The following DOCK1 variants were observed in gnomAD, a reference collection of about 807,000 sequenced individuals.
The protein encoded by DOCK1 is dedicator of cytokinesis 1, also known as dedicator of cytokinesis protein 1.
A neutral mutation model predicts 262.7 loss-of-function variants in DOCK1; 138 were observed. The observed-to-expected ratio is 0.53, with a 90% CI of 0.46 to 0.61. DOCK1 has a LOEUF of 0.61. Ranked by LOEUF, DOCK1 falls within the 20% of genes least tolerant of loss-of-function variation. The probability of loss-of-function intolerance (pLI) is 0.00; values close to 1 mark genes in which losing one functional copy is unlikely to be tolerated. For missense variants in DOCK1, 1,908 were observed against 2,370.7 expected (o/e 0.80, Z 4.05); for synonymous variants, 866 against 867.4 (o/e 1.00, Z 0.03).
intron 46 of DOCK1, among the ~76,000 whole-genome samples, chr10:127,424,045 G>GA (rs2068668015): frequency 6.6e-6 from 1 of 152,178 alleles, no homozygotes; most frequent in African/African-American, 2.4e-5. Context: ...CTCAACTACA[G>GA]GGTCTCCAGA....
intron 1 of DOCK1, among the ~76,000 whole-genome samples, chr10:126,923,913 A>G (rs1291672116): frequency 6.6e-6 from 1 of 152,212 alleles, no homozygotes; most frequent in East Asian, 1.9e-4. Flanking sequence ...GCCAGGAAAC[A>G]GGCCCTTGCC....
chr10:126,980,311 C>T (rs2038863501), intron 3 of DOCK1, among the ~76,000 whole-genome samples: 1 of 152,126 alleles, frequency 6.6e-6, no homozygotes, highest in South Asian at 2.1e-4. Flanking sequence ...CCTCCCTCAG[C>T]CTCCCAAGTA....
At chr10:127,340,551 C>T (rs182003959) in intron 30 of DOCK1, among the ~76,000 whole-genome samples, 1 of 152,240 alleles carries the variant, frequency 6.6e-6, no homozygotes, top group Admixed American at 6.5e-5. Context: ...GCTGTGCTAC[C>T]GTGAGGGCTG....
At chr10:127,353,350 C>G (rs751282116) in intron 31 of DOCK1, among the ~76,000 whole-genome samples, 1 of 152,180 alleles carries the variant, frequency 6.6e-6, no homozygotes, top group Non-Finnish European at 1.5e-5. Flanking sequence ...AATGGGGGAG[C>G]CAGCACTACA....
At chr10:127,423,487 T>A (rs1348585635) in intron 46 of DOCK1, among the ~76,000 whole-genome samples, 1 of 152,156 alleles carries the variant, frequency 6.6e-6, no homozygotes, top group Non-Finnish European at 1.5e-5. Context: ...GTGCCTCTTG[T>A]AGGTTTGCGG....
chr10:127,348,892 A>G (rs1284975283), intron 31 of DOCK1, among the ~76,000 whole-genome samples: 1 of 152,234 alleles, frequency 6.6e-6, no homozygotes, highest in Non-Finnish European at 1.5e-5. Flanking sequence ...TGATTATAAC[A>G]GGAGATACGA....
At chr10:127,138,144 T>C (rs967747067) in intron 27 of DOCK1, 20 of 831,106 alleles carry the variant, frequency 2.4e-5, no homozygotes, top group Non-Finnish European at 3.5e-5. Flanking sequence ...GGTTTAATAA[T>C]AGCAATTCGA....
intron 50 of DOCK1, among the ~76,000 whole-genome samples, chr10:127,445,905 A>G (rs2070511842): frequency 6.6e-6 from 1 of 152,258 alleles, no homozygotes; most frequent in African/African-American, 2.4e-5. Flanking sequence ...GAAATAGATC[A>G]GTCACAAAGG....
rs553978138 is a variant in DOCK1 at position 127,221,770 on chromosome 10, G to T, written c.2848-26238G>T. 3.5e-4 allele frequency among the ~76,000 whole-genome samples: 53 copies of T among 152,338 alleles called. 2 individuals are homozygous for T. In the South Asian group the frequency reaches 6.8e-3, roughly 20 times the overall value. On this transcript the variant is annotated intron_variant, in intron 27 of 51. Transcript: ENST00000623213. ...TGAGAACCAAGTCAGAATGTGGCTT[G>T]AAATGAGCTCTTGTATGAAGCTGGC...
At chr10:127,075,014 A>G (rs1327277156) in intron 23 of DOCK1, among the ~76,000 whole-genome samples, 14 of 151,842 alleles carry the variant, frequency 9.2e-5, no homozygotes, top group Admixed American at 7.9e-4. Flanking sequence ...TACTAAAAAT[A>G]CGGAATTAGC....
chr10:127,110,336 G>C lies in DOCK1; in HGVS notation c.2605G>C (p.Asp869His). 2 of 1,612,996 alleles carry C rather than the reference G, an allele frequency of 1.2e-6. No homozygotes were observed. The highest frequency in any genetic ancestry group is 1.7e-6 in the Non-Finnish European group (2 of 1,179,510). Reference sequence around the variant, plus strand: ...CTGCTTGATCGAAATCGTCCACAGTGACCTCTTCACACAGCATGGTGAGTG... The same window carrying C: ...CTGCTTGATCGAAATCGTCCACAGTCACCTCTTCACACAGCATGGTGAGTG... ...LYCLIEIVHSDLFTQHDCREI... is the reference protein window; with the variant it reads ...LYCLIEIVHSHLFTQHDCREI... Residue 869 changes from aspartate (D) to histidine (H), a missense_variant, in exon 25 of 52, where the codon GAC becomes CAC. Transcript: ENST00000623213.
At chr10:127,119,102 G>A (rs916434890) in intron 25 of DOCK1, among the ~76,000 whole-genome samples, 2 of 150,758 alleles carry the variant, frequency 1.3e-5, no homozygotes, top group Non-Finnish European at 2.9e-5. Context: ...GGAGTGCAGT[G>A]GCGCAATCTC....
At chr10:126,971,217 A>T (rs1285568733) in intron 2 of DOCK1, among the ~76,000 whole-genome samples, 3 of 151,380 alleles carry the variant, frequency 2.0e-5, no homozygotes, top group South Asian at 2.1e-4. Flanking sequence ...TGCCTGGCAA[A>T]TTTTTTTGTA....
At chr10:127,210,997 T>C (rs2057949190) in intron 27 of DOCK1, among the ~76,000 whole-genome samples, 1 of 152,214 alleles carries the variant, frequency 6.6e-6, no homozygotes, top group Admixed American at 6.5e-5. Context: ...TATTTTATTG[T>C]CTTTGTTTTA....
chr10:126,942,610 C>T (rs1026863569), intron 1 of DOCK1, among the ~76,000 whole-genome samples: 16 of 151,962 alleles, frequency 1.1e-4, no homozygotes, highest in Admixed American at 2.6e-4. Context: ...CCGAGGGAGC[C>T]GAGCCAGCCC....
intron 32 of DOCK1, among the ~76,000 whole-genome samples, chr10:127,358,005 T>G (rs736154): frequency 6.6e-6 from 1 of 151,880 alleles, no homozygotes; most frequent in African/African-American, 2.4e-5. Flanking sequence ...TTTTTTTTTT[T>G]TTATTTTAAT....
intron 29 of DOCK1, among the ~76,000 whole-genome samples, chr10:127,264,955 C>T (rs180821348): frequency 3.9e-5 from 6 of 152,308 alleles, no homozygotes; most frequent in African/African-American, 1.4e-4. Context: ...AGGCATGAGC[C>T]ACCACACCCG....
At chr10:127,038,474 G>T (rs116025867) in intron 19 of DOCK1, among the ~76,000 whole-genome samples, 9 of 152,128 alleles carry the variant, frequency 5.9e-5, no homozygotes, top group Non-Finnish European at 1.0e-4. Flanking sequence ...AGTGCCTTCT[G>T]CAGGGTCGTT....
chr10:127,203,153 A>C (rs1268782091), intron 27 of DOCK1, among the ~76,000 whole-genome samples: 8 of 152,242 alleles, frequency 5.3e-5, no homozygotes, highest in Admixed American at 5.2e-4. Context: ...AATAACAGCT[A>C]TTAAAATGAT....
Sources: gnomAD v4.1 joint callset for allele counts (sites outside exome capture counted in the v4.1 genomes callset) on GRCh38, gnomAD v4.1.1 for gene constraint, MANE v1.5 for transcripts, NCBI Gene and HGNC (gene_info 2026-07-23, HGNC 2026-07-21) for gene names.